SMURF2: variants seen among roughly 807,000 people sequenced by gnomAD.
The protein encoded by SMURF2 is E3 ubiquitin-protein ligase SMURF2.
In SMURF2, 48 loss-of-function variants were observed where a neutral mutation model predicts 109.6. The ratio of observed to expected loss-of-function variants is 0.44; its 90% CI spans 0.35 to 0.56. The LOEUF (loss-of-function observed/expected upper bound fraction) is 0.56, where lower values mean the gene tolerates loss of function less well. Among genes scored for constraint, SMURF2 ranks in the 20% least tolerant of loss-of-function variants. The probability of loss-of-function intolerance (pLI) is 0.01; values close to 1 mark genes in which losing one functional copy is unlikely to be tolerated. For synonymous variants in SMURF2, 288 were observed against 317.1 expected (o/e 0.91, Z 0.97); for missense variants, 575 against 909.0 (o/e 0.63, Z 4.72).
chr17:64,550,264 A>G (rs1969022288), intron 16 of SMURF2, among the ~76,000 whole-genome samples: 1 of 152,232 alleles, frequency 6.6e-6, no homozygotes, highest in Non-Finnish European at 1.5e-5. Flanking sequence ...ATTGAATAAA[A>G]TCATGTTTCA....
intron 1 of SMURF2, among the ~76,000 whole-genome samples, chr17:64,653,691 GC>G (rs1970668216): frequency 6.6e-6 from 1 of 151,920 alleles, no homozygotes; most frequent in Non-Finnish European, 1.5e-5. Context: ...CAAGCAATCC[GC>G]CCAGCAGATT....
At chr17:64,657,301 T>A (rs1289488755) in intron 1 of SMURF2, among the ~76,000 whole-genome samples, 5 of 152,126 alleles carry the variant, frequency 3.3e-5, no homozygotes, top group Non-Finnish European at 5.9e-5. Context: ...AGGGCATTCA[T>A]AATTATACTG....
At chr17:64,638,062 C>CTTTTTTTT (rs1195172818) in intron 1 of SMURF2, among the ~76,000 whole-genome samples, 56 of 102,424 alleles carry the variant, frequency 5.5e-4, no homozygotes, top group African/African-American at 8.6e-4. Context: ...TTTCCTTTTT[C>CTTTTTTTT]TTTTTTTTTT....
chr17:64,611,198 T>A (rs9915348), intron 1 of SMURF2, among the ~76,000 whole-genome samples: 1 of 152,218 alleles, frequency 6.6e-6, no homozygotes, highest in South Asian at 2.1e-4. Flanking sequence ...CTGTTACATA[T>A]ATGTTTATTT....
At chr17:64,655,484 C>T (rs1338549678) in intron 1 of SMURF2, among the ~76,000 whole-genome samples, 1 of 151,768 alleles carries the variant, frequency 6.6e-6, no homozygotes. Context: ...TCTCAAACTC[C>T]TGACCTTAGA....
rs536056584 is a variant in SMURF2 at position 64,658,249 on chromosome 17, C to T, written c.52+3580G>A. ...GTGGGCGCCTGTAATCCCACCTACT[C>T]GGGAGGCTGAGGCAGGAGAATCACT... On this transcript the variant is annotated intron_variant, in intron 1 of 18. Coordinates refer to ENST00000262435, the MANE Select transcript of SMURF2 (RefSeq NM_022739.4). 3.7e-4 allele frequency among the ~76,000 whole-genome samples: 57 copies of T among 152,066 alleles called. No individual in the cohort carries two copies. The South Asian group carries it at 0.011, about 30-fold the overall frequency.
chr17:64,591,102 C>A lies in SMURF2; in HGVS notation c.382G>T (p.Val128Phe). Reference protein sequence around the residue: ...CKLGPNDNDTVRGQIVVSLQS... With the variant: ...CKLGPNDNDTFRGQIVVSLQS... ...CACTTACCTACTATCTGTCCTCTAA[C>A]TGTATCATTGTCATTTGGCCCGAGT... is the stretch of plus-strand genomic sequence containing the variant. The change falls in exon 5 of 19, where the codon GTT (valine) becomes TTT (phenylalanine). Residue 128 changes from valine to phenylalanine, a missense_variant. Coordinates refer to ENST00000262435, the MANE Select transcript of SMURF2 (RefSeq NM_022739.4). The A allele has an allele frequency of 6.2e-7, 1 of 1,613,038 alleles. No homozygotes were observed. Among genetic ancestry groups the A allele is most frequent in the South Asian group, 1.1e-5 (1 of 90,980 alleles).
In SMURF2 at chr17:64,544,405, G is replaced by A. The variant is rs1462538131; in HGVS notation, c.*1443C>T. On this transcript the variant is annotated 3_prime_UTR_variant, in exon 19 of 19. Transcript: ENST00000262435. ...TTACTTGATAACTTTAAATTTTGCA[G>A]CTTAATTATCATGAAAATTTGCTTA... The A allele has an allele frequency of 6.6e-6, 1 of 151,700 alleles. No individual in the cohort carries two copies. Among genetic ancestry groups the A allele is most frequent in the Non-Finnish European group, 1.5e-5 (1 of 68,014 alleles). The allele number at this position is 151,700 out of a possible 1,614,324, so 9.4% of individuals were successfully genotyped here. A position where few individuals can be genotyped will look rare whatever the true frequency, so the allele number is the denominator to read the frequency against.
Position 64,661,771 on chromosome 17 carries a change from C to T in SMURF2, c.52+58G>A, listed in dbSNP as rs867629043. 225 of 1,173,430 alleles carry T rather than the reference C, an allele frequency of 1.9e-4. No homozygotes were observed. The Middle Eastern group carries it at 4.4e-3, about 23-fold the overall frequency. 72.7% of individuals were successfully genotyped at this position (1,173,430 alleles called of 1,614,324 possible). ...CTGGCCCTTCCCAAGGCCACAGGCA[C>T]CCCCCGCCAGCTCGCCCACCCCGCG... On this transcript the variant is annotated intron_variant, in intron 1 of 18. Transcript: ENST00000262435.
rs1968975306 is a variant in SMURF2, at chr17:64,547,502, A to G, written c.2071+98T>C. 1.0e-6 allele frequency: 1 copy of G among 968,880 alleles called. No individual in the cohort carries two copies. Among genetic ancestry groups the G allele is most frequent in the Middle Eastern group, 2.8e-4 (1 of 3,628 alleles). 60.0% of individuals were successfully genotyped at this position (968,880 alleles called of 1,614,324 possible). A position where few individuals can be genotyped will look rare whatever the true frequency, so the allele number is the denominator to read the frequency against. Reference sequence around the variant, plus strand: ...TCACAGATAAGAAGTGAAAAAGAGAATCTCTAAGCACATGGTTTACAAAAT... The same window carrying G: ...TCACAGATAAGAAGTGAAAAAGAGAGTCTCTAAGCACATGGTTTACAAAAT... On this transcript the variant is annotated intron_variant, in intron 17 of 18. Coordinates refer to ENST00000262435, the MANE Select transcript of SMURF2 (RefSeq NM_022739.4). This position sits in a 1 kb window ranked among gnomAD's most constrained non-coding sequence, Gnocchi z 4.2.
chr17:64,580,896 T>G lies in SMURF2; in HGVS notation c.665A>C (p.Gln222Pro), dbSNP rs782497553. Residue 222 changes from glutamine (Q) to proline (P), a missense_variant, in exon 8 of 19, where the codon CAG (glutamine) becomes CCG (proline). Physicochemically the swap from Gln to Pro is moderately conservative, Grantham distance 76 (BLOSUM62 -1). This residue lies in a region of SMURF2 where 151 missense variants were observed against 178.4 expected (regional missense o/e 0.85). Coordinates refer to ENST00000262435, the MANE Select transcript of SMURF2 (RefSeq NM_022739.4). Reference sequence around the variant, plus strand: ...CTCTGCCAGCCTGGGATCTGAAGACTGTCCACATGTTGCACCATTTGTTCC... The same window carrying G: ...CTCTGCCAGCCTGGGATCTGAAGACGGTCCACATGTTGCACCATTTGTTCC... ...ISGTNGATCG[Q>P]SSDPRLAERR... The G allele has an allele frequency of 3.1e-6, 5 of 1,614,086 alleles. No individual in the cohort carries two copies. In the African/African-American group the frequency reaches 6.7e-5, roughly 22 times the overall value.
intron 1 of SMURF2, among the ~76,000 whole-genome samples, chr17:64,636,467 G>A (rs1320830267): frequency 2.6e-5 from 4 of 152,150 alleles, no homozygotes; most frequent in Non-Finnish European, 5.9e-5. Context: ...GCTGGACGTG[G>A]TGGCACACAC....
rs140385514 is a variant in SMURF2, at chr17:64,654,342, C to T, written c.52+7487G>A. Reference sequence around the variant, plus strand: ...TTTTAAAAAAGGTAGCCAATGCCATCAGAAGCTATTCTAAAACAGAGTTGG... The same window carrying T: ...TTTTAAAAAAGGTAGCCAATGCCATTAGAAGCTATTCTAAAACAGAGTTGG... On this transcript the variant is annotated intron_variant, in intron 1 of 18. Transcript: ENST00000262435. Among the ~76,000 whole-genome samples, 1,354 of 152,298 alleles carry T rather than the reference C, an allele frequency of 8.9e-3. 11 individuals carry two copies. The highest frequency in any genetic ancestry group is 0.017 in the Middle Eastern group (5 of 294).
chr17:64,546,898 C>A (rs1190554721), intron 17 of SMURF2, among the ~76,000 whole-genome samples: 1 of 152,228 alleles, frequency 6.6e-6, no homozygotes, highest in African/African-American at 2.4e-5. Context: ...ACGCTCTCCC[C>A]CCAGGGATTT....
At chr17:64,578,449 T>TG (rs781815848) in intron 9 of SMURF2, 43 bp downstream of exon 9, 18 of 1,245,718 alleles carry the variant, frequency 1.4e-5, no homozygotes, top group Non-Finnish European at 2.1e-5. Flanking sequence ...CTAGGTGAAA[T>TG]GGCTCTTTGA....
At chr17:64,635,947 T>G (rs1970410727) in intron 1 of SMURF2, among the ~76,000 whole-genome samples, 1 of 152,220 alleles carries the variant, frequency 6.6e-6, no homozygotes, top group Admixed American at 6.5e-5. Context: ...CAACAATGTA[T>G]GAGGGTTCCA....
At chr17:64,598,685 T>C (rs1969851474) in intron 2 of SMURF2, among the ~76,000 whole-genome samples, 195 bp from the exon 3 acceptor site, 1 of 152,226 alleles carries the variant, frequency 6.6e-6, no homozygotes, top group Non-Finnish European at 1.5e-5. Flanking sequence ...CTATATTTTT[T>C]CTCGTTTCTG....
intron 1 of SMURF2, among the ~76,000 whole-genome samples, chr17:64,639,193 C>A (rs1228357954): frequency 6.6e-6 from 1 of 152,124 alleles, no homozygotes; most frequent in Non-Finnish European, 1.5e-5. Context: ...TTTTCTCATT[C>A]ATATATTATA....
intron 11 of SMURF2, among the ~76,000 whole-genome samples, chr17:64,562,184 T>C (rs1370138764): frequency 1.4e-5 from 2 of 143,666 alleles, no homozygotes; most frequent in Non-Finnish European, 3.0e-5. Flanking sequence ...TCCCAGGTAC[T>C]CAAGAGGCTG....
Sources: allele counts gnomAD v4.1 joint callset (sites outside exome capture counted in the v4.1 genomes callset), GRCh38; gene constraint gnomAD v4.1.1; regional missense constraint gnomAD v4.1.1; non-coding constraint Gnocchi (gnomAD v3.1); transcripts MANE v1.5; gene names NCBI Gene and HGNC (gene_info 2026-07-23, HGNC 2026-07-21).